Variants in ERBB4 observed in about 807,000 individuals in gnomAD.
ERBB4 encodes receptor tyrosine-protein kinase erbB-4.
Under a neutral mutation model 158.0 loss-of-function variants are expected in ERBB4, and 42 were observed. The ratio of observed to expected loss-of-function variants is 0.27; its 90% CI spans 0.21 to 0.34. The LOEUF (loss-of-function observed/expected upper bound fraction) is 0.34. Ranked by LOEUF, ERBB4 falls within the 10% of genes least tolerant of loss-of-function variation. The pLI is 1.00. For missense variants in ERBB4, 1,333 were observed against 1,624.1 expected (o/e 0.82, Z 3.08); for synonymous variants, 583 against 558.7 (o/e 1.04, Z -0.61).
intron 11 of ERBB4, among the ~76,000 whole-genome samples, chr2:211,703,746 C>T (rs1575015788): frequency 1.3e-5 from 2 of 152,178 alleles, no homozygotes; most frequent in East Asian, 3.8e-4. Flanking sequence ...CCTGGCACAA[C>T]AGCATTTGTA....
intron 3 of ERBB4, among the ~76,000 whole-genome samples, chr2:211,841,480 C>G (rs117741507): frequency 6.6e-6 from 1 of 151,738 alleles, no homozygotes; most frequent in African/African-American, 2.4e-5. Context: ...TACTTTAGGC[C>G]ACACCTTTTG....
chr2:211,633,076 A>C (rs927420199), intron 16 of ERBB4, among the ~76,000 whole-genome samples: 30 of 152,140 alleles, frequency 2.0e-4, no homozygotes, highest in African/African-American at 7.2e-4. Context: ...TCCATAAGAC[A>C]ACTTGCAGTT....
chr2:212,532,565 T>C (rs1371928443), intron 1 of ERBB4, among the ~76,000 whole-genome samples: 3 of 152,268 alleles, frequency 2.0e-5, no homozygotes, highest in Non-Finnish European at 2.9e-5. Flanking sequence ...AAGATGTTAA[T>C]AGCTTAGGCA....
At chr2:212,450,920 G>A (rs2092436587) in intron 1 of ERBB4, among the ~76,000 whole-genome samples, 1 of 151,402 alleles carries the variant, frequency 6.6e-6, no homozygotes, top group African/African-American at 2.4e-5. Context: ...GAGCCTAGGA[G>A]TTTGAGACCA....
chr2:212,006,284 C>T (rs2076257969), intron 2 of ERBB4, among the ~76,000 whole-genome samples: 1 of 151,892 alleles, frequency 6.6e-6, no homozygotes, highest in Non-Finnish European at 1.5e-5. Flanking sequence ...TGTATAAAAA[C>T]AAATTTATAA....
At chr2:212,059,735 C>A (rs886983264) in intron 2 of ERBB4, among the ~76,000 whole-genome samples, 1 of 152,140 alleles carries the variant, frequency 6.6e-6, no homozygotes, top group East Asian at 1.9e-4. Context: ...AACTGGCTAG[C>A]CAAGTGTAGA....
rs183267650 is a variant in ERBB4, at chr2:211,495,612, A to G, written c.2488-64512T>C. On this transcript the variant is annotated intron_variant, in intron 20 of 27. Transcript: ENST00000342788. Reference sequence around the variant, plus strand: ...TGTCTGATATTTGAATCTCTCTAATATAAGCTAGGAACAAAATATATTTTC... The same window carrying G: ...TGTCTGATATTTGAATCTCTCTAATGTAAGCTAGGAACAAAATATATTTTC... 2.9e-4 allele frequency among the ~76,000 whole-genome samples: 44 copies of G among 152,172 alleles called. 2 individuals are homozygous for G. In the East Asian group the frequency reaches 7.7e-3, roughly 27 times the overall value.
chr2:211,765,390 C>T (rs201401539), intron 4 of ERBB4, among the ~76,000 whole-genome samples: 2 of 152,150 alleles, frequency 1.3e-5, no homozygotes, highest in East Asian at 3.8e-4. Context: ...TCTAATTTTT[C>T]TCTACCTCCT....
intron 20 of ERBB4, among the ~76,000 whole-genome samples, chr2:211,548,548 T>A (rs887634937): frequency 2.0e-5 from 3 of 152,058 alleles, no homozygotes; most frequent in African/African-American, 7.2e-5. Flanking sequence ...AAACAAAGCG[T>A]CCACAAGTGT....
chr2:212,530,251 T>G (rs1692681032), intron 1 of ERBB4, among the ~76,000 whole-genome samples: 1 of 152,192 alleles, frequency 6.6e-6, no homozygotes, highest in Admixed American at 6.5e-5. Flanking sequence ...TTAACATACC[T>G]ATGCAGTCAA....
chr2:212,380,360 G>A (rs1407891431), intron 1 of ERBB4, among the ~76,000 whole-genome samples: 1 of 151,048 alleles, frequency 6.6e-6, no homozygotes, highest in East Asian at 1.9e-4. Flanking sequence ...AAGTATATGG[G>A]AAGATGTGCA....
intron 19 of ERBB4, among the ~76,000 whole-genome samples, chr2:211,596,497 C>A (rs867884010): frequency 6.6e-6 from 1 of 151,816 alleles, no homozygotes; most frequent in Non-Finnish European, 1.5e-5. Context: ...AAATATACAC[C>A]TTAACTCTCA....
rs991337964 is a variant in ERBB4 at position 211,947,534 on chromosome 2, C to A, written c.317G>T (p.Arg106Leu). 6.2e-7 allele frequency: 1 copy of A among 1,613,688 alleles called. No individual in the cohort carries two copies. The change falls in exon 3 of 28, where the codon CGT becomes CTT. Residue 106 changes from arginine (R) to leucine (L), a missense_variant. Coordinates refer to ENST00000342788, the MANE Select transcript of ERBB4 (RefSeq NM_005235.3). ...YLPLENLRII[R>L]GTKLYEDRYA... is the part of the protein sequence containing the mutation. ...TCGATCCTCATAAAGTTTTGTCCCA[C>A]GAATAATGCGTAAATTCTCCAGAGG...
intron 2 of ERBB4, among the ~76,000 whole-genome samples, chr2:212,109,291 TG>T (rs1345281815): frequency 2.0e-5 from 3 of 152,212 alleles, no homozygotes; most frequent in Non-Finnish European, 4.4e-5. Context: ...GTTGTAAGAA[TG>T]CTCTGATTGT....
intron 1 of ERBB4, among the ~76,000 whole-genome samples, chr2:212,172,127 A>G (rs1283368971): frequency 6.6e-6 from 1 of 152,170 alleles, no homozygotes; most frequent in Non-Finnish European, 1.5e-5. Context: ...ATACTTCTCA[A>G]AAAAGATATA....
chr2:211,874,946 A>G (rs890504836), intron 3 of ERBB4, among the ~76,000 whole-genome samples: 1 of 150,652 alleles, frequency 6.6e-6, no homozygotes, highest in Non-Finnish European at 1.5e-5. Flanking sequence ...TCAAAGACAC[A>G]CAATATGTGC....
chr2:212,266,108 C>T (rs1365080863), intron 1 of ERBB4, among the ~76,000 whole-genome samples: 1 of 151,608 alleles, frequency 6.6e-6, no homozygotes, highest in Non-Finnish European at 1.5e-5. Context: ...TTGCATGCCC[C>T]CCTCTCCTAT....
At chr2:212,228,681 C>T (rs1230534662) in intron 1 of ERBB4, among the ~76,000 whole-genome samples, 1 of 146,864 alleles carries the variant, frequency 6.8e-6, no homozygotes, top group African/African-American at 2.7e-5. Flanking sequence ...CAGTAAACCC[C>T]ACCTTGCTGC....
At chr2:212,093,633 T>C (rs964707464) in intron 2 of ERBB4, among the ~76,000 whole-genome samples, 4 of 152,260 alleles carry the variant, frequency 2.6e-5, no homozygotes, top group Non-Finnish European at 5.9e-5. Context: ...AGCCAATTTA[T>C]CCAACATTGT....
Sources: gnomAD v4.1 joint callset for allele counts (sites outside exome capture counted in the v4.1 genomes callset) on GRCh38, gnomAD v4.1.1 for gene constraint, MANE v1.5 for transcripts, NCBI Gene and HGNC (gene_info 2026-07-23, HGNC 2026-07-21) for gene names.